The following BCL2L14 variants were observed in gnomAD, a reference collection of about 807,000 sequenced individuals.
BCL2L14 encodes apoptosis facilitator Bcl-2-like protein 14.
A neutral mutation model predicts 35.3 loss-of-function variants in BCL2L14; 27 were observed. The ratio of observed to expected loss-of-function variants is 0.76; its 90% CI spans 0.56 to 1.05. BCL2L14 has a LOEUF of 1.05. Among genes scored for constraint, BCL2L14 ranks in the 50% least tolerant of loss-of-function variants. The pLI, the probability that BCL2L14 is intolerant of heterozygous loss-of-function variation, is 0.00. For synonymous variants in BCL2L14, 139 were observed against 145.9 expected (o/e 0.95, Z 0.34); for missense variants, 377 against 382.6 (o/e 0.99, Z 0.12).
chr12:12,074,601 G>T (rs1321757860), intron 1 of BCL2L14, among the ~76,000 whole-genome samples: 1 of 151,952 alleles, frequency 6.6e-6, no homozygotes, highest in Non-Finnish European at 1.5e-5. Flanking sequence ...ACCATACCTG[G>T]CTAATTTTTG....
intron 4 of BCL2L14, among the ~76,000 whole-genome samples, chr12:12,092,927 T>C (rs1249219566): frequency 2.0e-5 from 3 of 152,190 alleles, no homozygotes; most frequent in African/African-American, 7.2e-5. Flanking sequence ...AGGACAGAAC[T>C]AGAGGATTTT....
intron 2 of BCL2L14, among the ~76,000 whole-genome samples, chr12:12,084,113 CT>C (rs1428055955): frequency 5.3e-5 from 8 of 152,080 alleles, no homozygotes; most frequent in Non-Finnish European, 1.2e-4. Context: ...ATTCAGCTCC[CT>C]TTTATTTTAT....
At chr12:12,057,755 T>TAAAAAAAAAAAAAAAAAA (rs370379966) in intron 2 of BCL2L14, among the ~76,000 whole-genome samples, 10 of 120,314 alleles carry the variant, frequency 8.3e-5, no homozygotes, top group Non-Finnish European at 1.4e-4. Flanking sequence ...AAAACTCCAT[T>TAAAAAAAAAAAAAAAAAA]AAAAAAAAAA....
At position 12,079,498 on chromosome 12, in the gene BCL2L14, G is replaced by A. The variant is rs1445843442; in HGVS notation, c.193G>A (p.Glu65Lys). 3 of 1,614,240 alleles carry A rather than the reference G, an allele frequency of 1.9e-6. No homozygotes were observed. The highest frequency in any genetic ancestry group is 1.7e-5 in the Admixed American group (1 of 60,020). ...GGGCCTGGGGAATTGTTCAGCAAAT[G>A]AGTCATGGACAGAGGTGTCATGGCC... ...QRGLGNCSAN[E>K]SWTEVSWPCR... Residue 65 changes from glutamate (E) to lysine (K), a missense_variant, in exon 2 of 6, where the codon GAG (glutamate) becomes AAG (lysine). By Grantham distance (56) the Glu-to-Lys change is moderately conservative. Coordinates refer to ENST00000308721, the MANE Select transcript of BCL2L14 (RefSeq NM_138723.2).
chr12:12,090,907 G>A (rs1949175623), intron 4 of BCL2L14, 58 bp downstream of exon 4: 1 of 1,361,774 alleles, frequency 7.3e-7, no homozygotes, highest in African/African-American at 1.5e-5. Flanking sequence ...TAGTACACGA[G>A]AATGGAATTG....
chr12:12,073,678 C>G (rs1371772728), intron 1 of BCL2L14, among the ~76,000 whole-genome samples: 5 of 152,150 alleles, frequency 3.3e-5, no homozygotes, highest in Admixed American at 3.3e-4. Context: ...ATGGAAATTT[C>G]TTCAGCAGCA....
intron 2 of BCL2L14, among the ~76,000 whole-genome samples, chr12:12,060,408 T>TCC: frequency 1.5e-5 from 1 of 68,584 alleles, no homozygotes; most frequent in Admixed American, 1.6e-4. Flanking sequence ...GGCCGTCTTA[T>TCC]TCTCAAAATA....
chr12:12,058,313 T>C (rs1289825172), intron 2 of BCL2L14, among the ~76,000 whole-genome samples: 1 of 151,392 alleles, frequency 6.6e-6, no homozygotes, highest in East Asian at 1.9e-4. Flanking sequence ...TGCAGTGGCA[T>C]GATGTCGGCT....
At position 12,079,123 on chromosome 12, in the gene BCL2L14, T is replaced by C. The variant is rs1001308062; in HGVS notation, c.-7-176T>C. The C allele has an allele frequency of 6.5e-6, 4 of 611,070 alleles. No homozygotes were observed. In the East Asian group the frequency reaches 8.3e-5, roughly 13 times the overall value. 37.9% of individuals were successfully genotyped at this position (611,070 alleles called of 1,614,324 possible). On this transcript the variant is annotated intron_variant, in intron 1 of 5. Transcript: ENST00000308721. ...CATTTTCTTTATGTGGAGTTATCTA[T>C]GGCCATGTCTCTCTTCCCACCCTAG...
intron 2 of BCL2L14, among the ~76,000 whole-genome samples, chr12:12,061,392 G>A (rs190268212): frequency 0.021 from 3,140 of 151,668 alleles, 100 homozygotes; most frequent in African/African-American, 0.071. Flanking sequence ...CCCACAGCAC[G>A]CTTTAAAAGG....
intron 2 of BCL2L14, among the ~76,000 whole-genome samples, chr12:12,057,955 T>G (rs1456827331): frequency 1.8e-3 from 272 of 149,824 alleles, no homozygotes; most frequent in Middle Eastern, 3.4e-3. Context: ...GTCTTTTTTT[T>G]TTTTTTTTTT....
intron 2 of BCL2L14, among the ~76,000 whole-genome samples, chr12:12,065,664 T>A (rs559240797): frequency 6.6e-6 from 1 of 151,722 alleles, no homozygotes; most frequent in East Asian, 1.9e-4. Flanking sequence ...CTTAGTGAGG[T>A]TGGTTATGTA....
intron 2 of BCL2L14, among the ~76,000 whole-genome samples, chr12:12,060,885 C>A (rs374397728): frequency 1.9e-4 from 2 of 10,654 alleles, no homozygotes; most frequent in Admixed American, 2.3e-3. Context: ...TTCGGAAGTC[C>A]CGTAGACCAT....
upstream of BCL2L14, among the ~76,000 whole-genome samples, chr12:12,066,395 G>C (rs1444345804): frequency 6.6e-6 from 1 of 152,120 alleles, no homozygotes; most frequent in Non-Finnish European, 1.5e-5. Flanking sequence ...GGCCTTTCAA[G>C]TCTTCTTTGG....
intron 2 of BCL2L14, among the ~76,000 whole-genome samples, chr12:12,061,191 G>A (rs1457959420): frequency 3.3e-5 from 5 of 149,590 alleles, no homozygotes; most frequent in Admixed American, 6.7e-5. Context: ...GACTATTCCT[G>A]GGCTACAGCC....
chr12:12,051,326 C>A (rs1299090985), intron 1 of BCL2L14, among the ~76,000 whole-genome samples: 2 of 152,202 alleles, frequency 1.3e-5, no homozygotes, highest in African/African-American at 4.8e-5. Flanking sequence ...CATGCGTCTG[C>A]TGTAGTCTGT....
Position 12,085,083 on chromosome 12 carries a change from CAAA to C in BCL2L14, c.434-2111_434-2109del, listed in dbSNP as rs11296787. On this transcript the variant is annotated intron_variant, in intron 2 of 5. Coordinates refer to ENST00000308721, the MANE Select transcript of BCL2L14 (RefSeq NM_138723.2). The stretch of plus-strand genomic sequence containing the variant: ...TGGGCAACAGAGCGAGACTCCGTCT[CAAA>C]AAAAAAAAAAAAAAAAAAGTCAATA... Among the ~76,000 whole-genome samples, 160 of 85,442 alleles carry C rather than the reference CAAA, an allele frequency of 1.9e-3. 1 individual carries two copies. Among genetic ancestry groups the C allele is most frequent in the African/African-American group, 4.7e-3 (103 of 21,752 alleles). 56.1% of individuals were successfully genotyped at this position (85,442 alleles called of 152,430 possible).
intron 3 of BCL2L14, among the ~76,000 whole-genome samples, chr12:12,089,086 G>A (rs1949112323): frequency 1.3e-5 from 2 of 152,130 alleles, no homozygotes; most frequent in Non-Finnish European, 2.9e-5. Context: ...TTTTATTTTG[G>A]CCGGGAGCGG....
At chr12:12,063,428 T>A (rs1163132632) in intron 2 of BCL2L14, among the ~76,000 whole-genome samples, 1 of 148,276 alleles carries the variant, frequency 6.7e-6, no homozygotes, top group Non-Finnish European at 1.5e-5. Context: ...TACAAAACTA[T>A]ATCCAGGCCA....
Sources: allele counts gnomAD v4.1 joint callset (sites outside exome capture counted in the v4.1 genomes callset), GRCh38; gene constraint gnomAD v4.1.1; transcripts MANE v1.5; gene names NCBI Gene and HGNC (gene_info 2026-07-23, HGNC 2026-07-21).